Variants in PAN3 observed in about 807,000 individuals in gnomAD.
PAN3 encodes the protein poly(A) specific ribonuclease subunit PAN3, also known as PAN2-PAN3 deadenylation complex subunit PAN3.
Under a neutral mutation model 96.2 loss-of-function variants are expected in PAN3, and 19 were observed. That is an observed-to-expected ratio of 0.20 (90% CI 0.14 to 0.29). The LOEUF (loss-of-function observed/expected upper bound fraction) is 0.29. Ranked by LOEUF, PAN3 falls within the 10% of genes least tolerant of loss-of-function variation. The pLI is 1.00. For missense variants in PAN3, 882 were observed against 1,108.1 expected (o/e 0.80, Z 2.90); for synonymous variants, 433 against 406.6 (o/e 1.06, Z -0.78).
chr13:28,197,253 A>C lies in PAN3; in HGVS notation c.759A>C (p.Ala253=). Residue 253 remains alanine, a synonymous_variant, in exon 5 of 19, where the codon GCA becomes GCC. Coordinates refer to ENST00000380958, the MANE Select transcript of PAN3 (RefSeq NM_175854.8). The stretch of plus-strand genomic sequence containing the variant: ...CGATGGGATCAAAGGCACGAAAAGC[A>C]AAGAACCCTATTGGCTGCCTTGCTG... ...LVPMGSKARK[A]KNPIGCLADR... 3 of 1,613,480 alleles carry C rather than the reference A, an allele frequency of 1.9e-6. No homozygotes were observed. The highest frequency in any genetic ancestry group is 2.5e-6 in the Non-Finnish European group (3 of 1,179,718).
chr13:28,190,270 C>T (rs1877076492), intron 4 of PAN3, among the ~76,000 whole-genome samples: 1 of 151,978 alleles, frequency 6.6e-6, no homozygotes, highest in African/African-American at 2.4e-5. Context: ...TGAGATAGAG[C>T]CTCACTCTGT....
chr13:28,178,054 GT>G, intron 4 of PAN3, 119 bp downstream of exon 4: 1 of 787,486 alleles, frequency 1.3e-6, no homozygotes, highest in Non-Finnish European at 2.0e-6. Context: ...GGGCTTTAGT[GT>G]TTTTCCTGCC....
chr13:28,156,216 G>T (rs112176203), intron 1 of PAN3, among the ~76,000 whole-genome samples: 2,926 of 152,104 alleles, frequency 0.019, 107 homozygotes, highest in African/African-American at 0.067. Flanking sequence ...AGTCAGAAAT[G>T]ACAAAGGGGA....
intron 1 of PAN3, among the ~76,000 whole-genome samples, chr13:28,141,700 C>T (rs549458723): frequency 1.8e-4 from 28 of 152,202 alleles, no homozygotes; most frequent in African/African-American, 6.5e-4. Context: ...CTCCTGATCT[C>T]AGGTGATCCG....
chr13:28,203,553 C>G (rs1243693748), intron 5 of PAN3, among the ~76,000 whole-genome samples: 1 of 150,290 alleles, frequency 6.7e-6, no homozygotes, highest in Non-Finnish European at 1.5e-5. Context: ...AAGTGACCCA[C>G]TTGCCTCAGC....
chr13:28,158,352 C>G (rs1243906159), intron 1 of PAN3, among the ~76,000 whole-genome samples: 1 of 152,076 alleles, frequency 6.6e-6, no homozygotes, highest in African/African-American at 2.4e-5. Flanking sequence ...CAAATGAGAC[C>G]TAATTAAAGA....
At chr13:28,235,883 T>C (rs995315074) in intron 6 of PAN3, among the ~76,000 whole-genome samples, 1 of 148,378 alleles carries the variant, frequency 6.7e-6, no homozygotes, top group African/African-American at 2.5e-5. Flanking sequence ...AGCTGATTTT[T>C]AAATTTTTTT....
intron 1 of PAN3, among the ~76,000 whole-genome samples, chr13:28,149,281 G>A (rs1476949903): frequency 6.6e-6 from 1 of 152,046 alleles, no homozygotes; most frequent in Non-Finnish European, 1.5e-5. Flanking sequence ...TTGAACCCAG[G>A]AGACCTAGGA....
intron 1 of PAN3, among the ~76,000 whole-genome samples, chr13:28,171,268 T>C (rs192047792): frequency 7.6e-6 from 1 of 132,406 alleles, no homozygotes; most frequent in East Asian, 2.4e-4. Context: ...CAAAACTTGC[T>C]CCTGTTTTCT....
chr13:28,155,655 G>A lies in PAN3; in HGVS notation c.430+16568G>A, dbSNP rs190953821. On this transcript the variant is annotated intron_variant, in intron 1 of 18. Transcript: ENST00000380958. ...GGCCCTGGTCATTTGTGAGTGCATA[G>A]ATTAATAAAGGAGTTTGACATTATA... 1.1e-3 allele frequency among the ~76,000 whole-genome samples: 160 copies of A among 152,154 alleles called. 1 individual carries two copies. The East Asian group carries it at 0.022, about 21-fold the overall frequency.
At chr13:28,264,710 A>G (rs1174980874) in intron 9 of PAN3, among the ~76,000 whole-genome samples, 1 of 152,158 alleles carries the variant, frequency 6.6e-6, no homozygotes, top group Non-Finnish European at 1.5e-5. Flanking sequence ...TTCATAGTGT[A>G]TTAGCTCTCA....
At chr13:28,144,522 A>G (rs138323991) in intron 1 of PAN3, among the ~76,000 whole-genome samples, 1,551 of 151,872 alleles carry the variant, frequency 0.01, 22 homozygotes, top group African/African-American at 0.035. Context: ...GCCGGTTTCG[A>G]TAAGTTTTAT....
chr13:28,170,688 A>G (rs1230929220), intron 1 of PAN3, among the ~76,000 whole-genome samples: 2 of 152,066 alleles, frequency 1.3e-5, no homozygotes, highest in African/African-American at 4.8e-5. Context: ...GAATGGAGGA[A>G]CCTCTCCCCT....
intron 15 of PAN3, 60 bp downstream of exon 15, chr13:28,277,436 T>G: frequency 6.5e-7 from 1 of 1,527,084 alleles, no homozygotes; most frequent in Non-Finnish European, 8.8e-7. Flanking sequence ...ACAGAGCTTT[T>G]TTTGTTTTAA....
intron 1 of PAN3, among the ~76,000 whole-genome samples, chr13:28,145,539 C>T (rs1330724666): frequency 2.6e-5 from 4 of 151,910 alleles, no homozygotes; most frequent in East Asian, 1.9e-4. Context: ...GTTGGCCAGG[C>T]GGGTCTCAAA....
intron 1 of PAN3, among the ~76,000 whole-genome samples, chr13:28,150,639 A>G (rs1157615262): frequency 8.5e-6 from 1 of 117,884 alleles, no homozygotes; most frequent in Non-Finnish European, 1.7e-5. Flanking sequence ...TCTGTCTCCA[A>G]AAAAAAAAAA....
intron 1 of PAN3, among the ~76,000 whole-genome samples, chr13:28,141,462 CTTTTT>C (rs759736683): frequency 0.039 from 3,476 of 90,182 alleles, 60 homozygotes; most frequent in African/African-American, 0.14. Context: ...TTCTTTTTTT[CTTTTT>C]TTTTTTTTTT....
At chr13:28,221,544 G>A (rs770392217) in intron 6 of PAN3, among the ~76,000 whole-genome samples, 6 of 152,086 alleles carry the variant, frequency 3.9e-5, no homozygotes, top group African/African-American at 7.2e-5. Flanking sequence ...AGATAACACA[G>A]TGGCGCAGAG....
chr13:28,156,992 CAAAAAAAA>C (rs35448291), intron 1 of PAN3, among the ~76,000 whole-genome samples: 22 of 18,450 alleles, frequency 1.2e-3, no homozygotes, highest in African/African-American at 2.8e-3. Context: ...GAGACCCTGT[CAAAAAAAA>C]AAAAAAAAAA....
Sources: allele counts gnomAD v4.1 joint callset (sites outside exome capture counted in the v4.1 genomes callset), GRCh38; gene constraint gnomAD v4.1.1; transcripts MANE v1.5; gene names NCBI Gene and HGNC (gene_info 2026-07-23, HGNC 2026-07-21).